Variants in MRPL42 observed in about 807,000 individuals in gnomAD.
MRPL42 encodes the protein mitochondrial ribosomal protein L42.
A neutral mutation model predicts 17.9 loss-of-function variants in MRPL42; 17 were observed. That is an observed-to-expected ratio of 0.95 (90% confidence interval 0.65 to 1.42). The LOEUF is 1.42. MRPL42 is among the 40% of genes most tolerant of loss of function. MRPL42 has a pLI of 0.00. For synonymous variants in MRPL42, 59 were observed against 54.4 expected, an observed-to-expected ratio of 1.08 and a Z score of -0.37; for missense variants, 177 against 175.2, an observed-to-expected ratio of 1.01 and a Z score of -0.06.
chr12:93,479,975 A>G (rs1286385115), intron 4 of MRPL42, among the ~76,000 whole-genome samples: 1 of 143,138 alleles, frequency 7.0e-6, no homozygotes, highest in African/African-American at 2.6e-5. Context: ...TTTTTTCCCT[A>G]TTTTTTAAAA....
At chr12:93,487,693 T>A in intron 5 of MRPL42, 33 bp downstream of exon 5, 1 of 1,518,324 alleles carries the variant, frequency 6.6e-7, no homozygotes, top group South Asian at 1.2e-5. Flanking sequence ...CAATCCCTAC[T>A]ACATACAGTA....
chr12:93,488,423 A>G (rs1035585739), intron 5 of MRPL42: 4 of 397,044 alleles, frequency 1.0e-5, no homozygotes, highest in Non-Finnish European at 1.8e-5. Flanking sequence ...ATTTAGCTAA[A>G]ATGAAATAGT....
chr12:93,486,681 CTTAATGATATA>C (rs1880756340), intron 4 of MRPL42, among the ~76,000 whole-genome samples: 1 of 151,520 alleles, frequency 6.6e-6, no homozygotes, highest in Non-Finnish European at 1.5e-5. Context: ...TATTTCTCAT[CTTAATGATATA>C]AAAGGTAAAT....
chr12:93,482,617 T>A (rs1880513823), intron 4 of MRPL42, among the ~76,000 whole-genome samples: 1 of 152,174 alleles, frequency 6.6e-6, no homozygotes, highest in South Asian at 2.1e-4. Flanking sequence ...AATTGTAGAT[T>A]GGGCTGCAAA....
rs767249218 is a variant in MRPL42, at chr12:93,472,436, C to T, written c.70+3081C>T. Among the ~76,000 whole-genome samples the T allele has an allele frequency of 3.0e-4, 46 of 152,038 alleles. 1 individual carries two copies. Among genetic ancestry groups the T allele is most frequent in the Middle Eastern group, 3.4e-3 (1 of 294 alleles). On this transcript the variant is annotated intron_variant, in intron 2 of 5. Coordinates refer to ENST00000549982, the MANE Select transcript of MRPL42 (RefSeq NM_014050.4). ...ACAAAAGTTACAAAAATTAGCTGGG[C>T]GAGGTGGTACACGCCTGTGGTCCCA...
At position 93,479,620 on chromosome 12, in the gene MRPL42, CTT is replaced by C. The variant is rs1287424122; in HGVS notation, c.219+149_219+150del. 10 of 445,304 alleles carry C rather than the reference CTT, an allele frequency of 2.2e-5. No homozygotes were observed. The Admixed American group carries it at 3.1e-4, about 14-fold the overall frequency. The allele number at this position is 445,304 out of a possible 1,614,324, so 27.6% of individuals were successfully genotyped here. A position where few individuals can be genotyped will look rare whatever the true frequency, so the allele number is the denominator to read the frequency against. On this transcript the variant is annotated intron_variant, in intron 4 of 5. Coordinates refer to ENST00000549982, the MANE Select transcript of MRPL42 (RefSeq NM_014050.4). ...TTAATTTTACTATTTTGATTTTTCT[CTT>C]ATTTATTTTTCATCTGCTTTCTTTA...
At chr12:93,488,960 G>C (rs1489647345) in intron 5 of MRPL42, among the ~76,000 whole-genome samples, 1 of 151,632 alleles carries the variant, frequency 6.6e-6, no homozygotes, top group African/African-American at 2.4e-5. Flanking sequence ...TAAGTAGCTG[G>C]GATTACAGGC....
chr12:93,472,449 G>A (rs2121166528), intron 2 of MRPL42, among the ~76,000 whole-genome samples: 1 of 152,220 alleles, frequency 6.6e-6, no homozygotes, highest in African/African-American at 2.4e-5. Flanking sequence ...GGTGGTACAC[G>A]CCTGTGGTCC....
In MRPL42 at chr12:93,503,445, A is replaced by G. The variant is rs969788130; in HGVS notation, c.*2224A>G. The G allele has an allele frequency of 7.2e-5, 11 of 152,102 alleles. No homozygotes were observed. Among genetic ancestry groups the G allele is most frequent in the African/African-American group, 2.4e-4 (10 of 41,444 alleles). The allele number at this position is 152,102 out of a possible 1,614,324, so 9.4% of individuals were successfully genotyped here. On this transcript the variant is annotated 3_prime_UTR_variant, in exon 6 of 6. Transcript: ENST00000549982. ...GCCCAGGATGGAGTGCAGTGGCACA[A>G]TCACATTGCACTGCAACCTCAATAT...
Position 93,505,015 on chromosome 12 carries a change from A to G in MRPL42, c.*3794A>G, listed in dbSNP as rs1486988701. 7 of 152,218 alleles carry G rather than the reference A, an allele frequency of 4.6e-5. No individual in the cohort carries two copies. The highest frequency in any genetic ancestry group is 4.6e-4 in the Admixed American group (7 of 15,272). The allele number at this position is 152,218 out of a possible 1,614,324, so 9.4% of individuals were successfully genotyped here. On this transcript the variant is annotated 3_prime_UTR_variant, in exon 6 of 6. Coordinates refer to ENST00000549982, the MANE Select transcript of MRPL42 (RefSeq NM_014050.4). ...GGATTTTAAGCTAAGGATTTCATGA[A>G]TGGGATTTGGGGTAGGGGCATCTAT...
Position 93,469,326 on chromosome 12 carries a change from C to G in MRPL42, c.41C>G (p.Thr14Ser). Reference sequence around the variant, plus strand: ...GTAAAATGGGTGATGTCAAAGAGAACTATCTTGAAACATTTATTTCCAGTC... The same window carrying G: ...GTAAAATGGGTGATGTCAAAGAGAAGTATCTTGAAACATTTATTTCCAGTC... ...AAVKWVMSKRTILKHLFPVQN... is the reference protein window; with the variant it reads ...AAVKWVMSKRSILKHLFPVQN... Residue 14 changes from threonine (T) to serine (S), a missense_variant, in exon 2 of 6, where the codon ACT becomes AGT. Transcript: ENST00000549982. 3 of 1,611,202 alleles carry G rather than the reference C, an allele frequency of 1.9e-6. No homozygotes were observed. Among genetic ancestry groups the G allele is most frequent in the African/African-American group, 2.7e-5 (2 of 74,898 alleles).
intron 5 of MRPL42, among the ~76,000 whole-genome samples, chr12:93,497,845 ATC>A (rs1204559699): frequency 7.9e-5 from 12 of 151,310 alleles, no homozygotes; most frequent in Non-Finnish European, 1.5e-4. Context: ...ACAGCTTCCT[ATC>A]TCACTCAGAA....
At chr12:93,477,104 C>A in intron 3 of MRPL42, 87 bp downstream of exon 3, 1 of 951,352 alleles carries the variant, frequency 1.1e-6, no homozygotes, top group Non-Finnish European at 1.6e-6. Context: ...ATGTCTGATG[C>A]TTTCTTTTCT....
chr12:93,475,072 C>G (rs1434117712), intron 2 of MRPL42, among the ~76,000 whole-genome samples: 4 of 151,654 alleles, frequency 2.6e-5, no homozygotes, highest in Admixed American at 2.0e-4. Flanking sequence ...CTGTGAAGAA[C>G]CTTGGGGGCA....
chr12:93,488,878 A>G (rs527738319), intron 5 of MRPL42, among the ~76,000 whole-genome samples: 1 of 150,482 alleles, frequency 6.6e-6, no homozygotes, highest in East Asian at 1.9e-4. Context: ...TTTTGTGAGA[A>G]GGAGGTCTCA....
Position 93,469,175 on chromosome 12 carries a change from C to T in MRPL42, c.-94-17C>T. On this transcript the variant is annotated splice_polypyrimidine_tract_variant and intron_variant, in intron 1 of 5. Transcript: ENST00000549982. Reference sequence around the variant, plus strand: ...TTTACCATAGGTAGCACTGATTTTTCTTTATCTCTTCAGCAGGAGTAGAAA... The same window carrying T: ...TTTACCATAGGTAGCACTGATTTTTTTTTATCTCTTCAGCAGGAGTAGAAA... 2 of 755,418 alleles carry T rather than the reference C, an allele frequency of 2.6e-6. No homozygotes were observed. The highest frequency in any genetic ancestry group is 4.3e-6 in the Non-Finnish European group (2 of 467,356). The allele number at this position is 755,418 out of a possible 1,614,324, so 46.8% of individuals were successfully genotyped here.
At chr12:93,468,800 T>C (rs1209756773) in intron 1 of MRPL42, among the ~76,000 whole-genome samples, 5 of 152,132 alleles carry the variant, frequency 3.3e-5, no homozygotes, top group Admixed American at 2.0e-4. Context: ...GTACTGTAAA[T>C]GATGTAGTAT....
chr12:93,474,205 C>T lies in MRPL42; in HGVS notation c.71-2749C>T, dbSNP rs188018303. 3.9e-5 allele frequency among the ~76,000 whole-genome samples: 6 copies of T among 152,132 alleles called. No homozygotes were observed. The East Asian group carries it at 9.6e-4, about 24-fold the overall frequency. Reference sequence around the variant, plus strand: ...AGAACACTTAATTCTGTCACCCAGTCATGTTTCTTTCAGTGAAAATGTATA... The same window carrying T: ...AGAACACTTAATTCTGTCACCCAGTTATGTTTCTTTCAGTGAAAATGTATA... On this transcript the variant is annotated intron_variant, in intron 2 of 5. Transcript: ENST00000549982.
intron 5 of MRPL42, chr12:93,500,893 G>C (rs1195570660): frequency 4.4e-6 from 1 of 228,546 alleles, no homozygotes; most frequent in Middle Eastern, 1.5e-3. Flanking sequence ...AGGAGTTTGA[G>C]GCTGTAGTAC....
Sources: gnomAD v4.1 joint callset for allele counts (sites outside exome capture counted in the v4.1 genomes callset) on GRCh38, gnomAD v4.1.1 for gene constraint, MANE v1.5 for transcripts, NCBI Gene and HGNC (gene_info 2026-07-23, HGNC 2026-07-21) for gene names.